The following MAP7D2 variants were observed in gnomAD, a reference collection of about 807,000 sequenced individuals.
MAP7D2 encodes MAP7 domain containing 2, also known as MAP7 domain-containing protein 2.
Under a neutral mutation model 63.5 loss-of-function variants are expected in MAP7D2, and 33 were observed. The observed-to-expected ratio is 0.52, with a 90% CI of 0.39 to 0.70. The LOEUF (loss-of-function observed/expected upper bound fraction) is 0.70, where lower values mean the gene tolerates loss of function less well. MAP7D2 is among the 30% of genes least tolerant of loss of function. MAP7D2 has a pLI of 0.00. For missense variants in MAP7D2, 626 were observed against 604.0 expected, an observed-to-expected ratio of 1.04 and a Z score of -0.38; for synonymous variants, 224 against 223.7, an observed-to-expected ratio of 1.00 and a Z score of -0.01.
intron 5 of MAP7D2, among the ~76,000 whole-genome samples, chrX:20,051,408 T>C (rs2064944749): frequency 9.0e-6 from 1 of 110,668 alleles, no homozygotes; most frequent in Admixed American, 9.6e-5. Context: ...AAAAATTAGC[T>C]GGGCATGGTG....
At chrX:20,022,956 G>A (rs2073706368) in intron 10 of MAP7D2, among the ~76,000 whole-genome samples, 1 of 111,528 alleles carries the variant, frequency 9.0e-6, no homozygotes, top group South Asian at 3.8e-4. Flanking sequence ...TGTGGCGGGT[G>A]TGGCTGGGGA....
intron 9 of MAP7D2, 44 bp from the exon 10 acceptor site, chrX:20,025,127 C>T (rs765636997): frequency 6.5e-5 from 76 of 1,161,140 alleles, no homozygotes; most frequent in South Asian, 1.0e-4. Flanking sequence ...TCAAGGGAAA[C>T]GAATATAATG....
chrX:20,062,774 G>A (rs1288138084), intron 3 of MAP7D2, among the ~76,000 whole-genome samples: 1 of 112,314 alleles, frequency 8.9e-6, no homozygotes, highest in African/African-American at 3.2e-5. Flanking sequence ...CTCTGTAGGG[G>A]TAATTATGTG....
At chrX:20,011,134 ATTTTG>A in intron 15 of MAP7D2, 82 bp from the exon 16 acceptor site, 1 of 1,006,437 alleles carries the variant, frequency 9.9e-7, no homozygotes, top group South Asian at 2.3e-5. Flanking sequence ...TATTTGCAAT[ATTTTG>A]TTTTACTACT....
chrX:20,116,100 G>T (rs2148595305), intron 1 of MAP7D2, among the ~76,000 whole-genome samples: 1 of 113,128 alleles, frequency 8.8e-6, no homozygotes, highest in African/African-American at 3.2e-5. Flanking sequence ...AGCCTCGAGG[G>T]CTGAGAGCCT....
At chrX:20,064,042 G>C (rs957632451) in intron 2 of MAP7D2, among the ~76,000 whole-genome samples, 1 of 112,133 alleles carries the variant, frequency 8.9e-6, no homozygotes, top group East Asian at 2.8e-4. Flanking sequence ...GCTAAGTCAG[G>C]GGGTAAAACA....
At chrX:20,066,596 C>T (rs1288442237) in intron 1 of MAP7D2, among the ~76,000 whole-genome samples, 1 of 111,632 alleles carries the variant, frequency 9.0e-6, no homozygotes, top group South Asian at 3.8e-4. Flanking sequence ...AATTTAAAGG[C>T]CAACTCCTCA....
At chrX:20,087,879 C>CTTTTTTTT (rs539620594) in intron 1 of MAP7D2, among the ~76,000 whole-genome samples, 12 of 52,852 alleles carry the variant, frequency 2.3e-4, no homozygotes, top group Non-Finnish European at 2.9e-4. Flanking sequence ...AATTTCTTTT[C>CTTTTTTTT]TTTTTTTTTT....
intron 1 of MAP7D2, among the ~76,000 whole-genome samples, chrX:20,100,583 G>C (rs962305733): frequency 9.8e-6 from 1 of 101,740 alleles, no homozygotes. Flanking sequence ...AGGTGAGTTA[G>C]AGAGAAGAGA....
At chrX:20,108,479 C>T (rs2066633826) in intron 1 of MAP7D2, among the ~76,000 whole-genome samples, 2 of 110,233 alleles carry the variant, frequency 1.8e-5, no homozygotes, top group African/African-American at 6.6e-5. Context: ...AAGTCATCTG[C>T]CTGCCTTAGC....
chrX:20,103,619 A>T (rs1433680870), intron 1 of MAP7D2, among the ~76,000 whole-genome samples: 1 of 112,414 alleles, frequency 8.9e-6, no homozygotes, highest in Admixed American at 9.4e-5. Flanking sequence ...GAGGTTAGTC[A>T]ACAGCTAGTT....
intron 8 of MAP7D2, among the ~76,000 whole-genome samples, chrX:20,042,080 A>G (rs1367073617): frequency 9.0e-6 from 1 of 111,354 alleles, no homozygotes; most frequent in East Asian, 2.8e-4. Flanking sequence ...CTTCATTAAA[A>G]TACTGTTGAT....
intron 11 of MAP7D2, among the ~76,000 whole-genome samples, chrX:20,015,658 C>G (rs762579175): frequency 6.2e-5 from 7 of 112,368 alleles, no homozygotes; most frequent in Non-Finnish European, 9.4e-5. Context: ...CTTCTACTAC[C>G]GTGAAGGGCA....
intron 1 of MAP7D2, among the ~76,000 whole-genome samples, chrX:20,077,187 ACTCACGCCTGTAAT>A (rs757308851): frequency 9.0e-6 from 1 of 111,455 alleles, no homozygotes; most frequent in Non-Finnish European, 1.9e-5. Flanking sequence ...GCGCACAGTG[ACTCACGCCTGTAAT>A]CCCAGCACTT....
chrX:20,055,805 G>A, intron 4 of MAP7D2: 1 of 993,307 alleles, frequency 1.0e-6, no homozygotes, highest in Non-Finnish European at 1.3e-6. Context: ...TAAACCTAGA[G>A]GAGGGGGTGG....
At chrX:20,069,334 G>A (rs2030140384) in intron 1 of MAP7D2, among the ~76,000 whole-genome samples, 1 of 110,596 alleles carries the variant, frequency 9.0e-6, no homozygotes, top group Non-Finnish European at 1.9e-5. Context: ...AGCCTCCCAC[G>A]TAGCTGGAAC....
At chrX:20,086,770 TTTTTG>T (rs748515078) in intron 1 of MAP7D2, among the ~76,000 whole-genome samples, 15 of 111,380 alleles carry the variant, frequency 1.3e-4, no homozygotes, top group African/African-American at 3.6e-4. Context: ...AAATGCTGTT[TTTTTG>T]TTTTGTTTTG....
intron 8 of MAP7D2, among the ~76,000 whole-genome samples, chrX:20,036,120 A>G (rs182942110): frequency 9.0e-6 from 1 of 111,043 alleles, no homozygotes; most frequent in Admixed American, 9.6e-5. Context: ...AACAACAGAT[A>G]TTGGGGCCTA....
At chrX:20,037,108 T>C (rs1027126358) in intron 8 of MAP7D2, among the ~76,000 whole-genome samples, 2 of 109,363 alleles carry the variant, frequency 1.8e-5, no homozygotes, top group African/African-American at 6.7e-5. Flanking sequence ...GATAGATGTA[T>C]ATATAAAGGG....
Sources: allele counts gnomAD v4.1 joint callset (sites outside exome capture counted in the v4.1 genomes callset), GRCh38; gene constraint gnomAD v4.1.1; transcripts MANE v1.5; gene names NCBI Gene and HGNC (gene_info 2026-07-23, HGNC 2026-07-21).